CACNB2: variants seen among roughly 807,000 people sequenced by gnomAD.
CACNB2 encodes voltage-dependent L-type calcium channel subunit beta-2.
In CACNB2, 42 loss-of-function variants were observed where a neutral mutation model predicts 73.3. That is an observed-to-expected ratio of 0.57 (90% CI 0.45 to 0.74). CACNB2 has a LOEUF of 0.74. Among genes scored for constraint, CACNB2 ranks in the 30% least tolerant of loss-of-function variants. CACNB2 has a pLI of 0.00. For synonymous variants in CACNB2, 348 were observed against 310.3 expected, an observed-to-expected ratio of 1.12 and a Z score of -1.28; for missense variants, 940 against 853.0, an observed-to-expected ratio of 1.10 and a Z score of -1.27.
chr10:18,192,068 T>C (rs372866079), intron 2 of CACNB2, among the ~76,000 whole-genome samples: 24 of 151,614 alleles, frequency 1.6e-4, no homozygotes, highest in African/African-American at 5.8e-4. Context: ...GGCAGGAATC[T>C]AGGATGCTAG....
intron 2 of CACNB2, among the ~76,000 whole-genome samples, chr10:18,380,486 G>A (rs558435912): frequency 4.5e-4 from 57 of 126,168 alleles, no homozygotes; most frequent in African/African-American, 1.5e-3. Context: ...ATGGAGTCTC[G>A]CTCTGTTGCC....
intron 2 of CACNB2, among the ~76,000 whole-genome samples, chr10:18,353,746 C>G (rs2041807181): frequency 2.0e-5 from 3 of 152,164 alleles, no homozygotes; most frequent in Non-Finnish European, 4.4e-5. Context: ...CAGCTTAGTT[C>G]TGAAAAACTT....
rs371239500 is a variant in CACNB2, at chr10:18,229,513, A to G, written c.213+78538A>G. On this transcript the variant is annotated intron_variant, in intron 2 of 13. Transcript: ENST00000324631. The stretch of plus-strand genomic sequence containing the variant: ...AAAATGCACTTTTAAACTTTTTTCA[A>G]TTTTGCTTGGTAAGATATGAAAATC... 5.6e-4 allele frequency among the ~76,000 whole-genome samples: 86 copies of G among 152,292 alleles called. No individual in the cohort carries two copies. In the East Asian group the frequency reaches 9.2e-3, roughly 16 times the overall value.
chr10:18,140,633 C>G lies in CACNB2; in HGVS notation c.-104C>G. 1 of 1,016,864 alleles carries G rather than the reference C, an allele frequency of 9.8e-7. No homozygotes were observed. Among genetic ancestry groups the G allele is most frequent in the Non-Finnish European group, 1.5e-6 (1 of 684,210 alleles). 63.0% of individuals were successfully genotyped at this position (1,016,864 alleles called of 1,614,324 possible). A position where few individuals can be genotyped will look rare whatever the true frequency, so the allele number is the denominator to read the frequency against. Reference sequence around the variant, plus strand: ...CGCCGAGAACGGCCGGGCCTGAGCCCTGGGCGGCCCCCAGAGCCGATCAGA... The same window carrying G: ...CGCCGAGAACGGCCGGGCCTGAGCCGTGGGCGGCCCCCAGAGCCGATCAGA... On this transcript the variant is annotated 5_prime_UTR_variant, in exon 1 of 14. Coordinates refer to ENST00000324631, the MANE Select transcript of CACNB2 (RefSeq NM_201596.3).
At chr10:18,373,066 A>C (rs115911319) in intron 2 of CACNB2, among the ~76,000 whole-genome samples, 120 of 151,674 alleles carry the variant, frequency 7.9e-4, no homozygotes, top group African/African-American at 2.8e-3. Context: ...TTCTCCCACC[A>C]TGGCCTCCCA....
intron 2 of CACNB2, among the ~76,000 whole-genome samples, chr10:18,321,322 G>T (rs192938885): frequency 2.6e-5 from 4 of 152,202 alleles, no homozygotes; most frequent in Admixed American, 1.3e-4. Context: ...ATTGTCTTAG[G>T]TTATGTTTTG....
chr10:18,269,169 A>G (rs905421287), intron 2 of CACNB2, among the ~76,000 whole-genome samples: 33 of 152,206 alleles, frequency 2.2e-4, no homozygotes, highest in African/African-American at 7.5e-4. Context: ...TAAAGGTCAG[A>G]AGGAATATAT....
chr10:18,527,681 C>T lies in CACNB2; in HGVS notation c.1038C>T (p.Asn346=). ...AGCACGCAATAATAGAAAGATCCAA[C>T]ACAAGGTCAAGCTTAGGTAAGTCTG... The part of the protein sequence containing the change: ...PSKHAIIERS[N]TRSSLAEVQS... The change falls in exon 10 of 14, where the codon AAC becomes AAT. Residue 346 remains asparagine (N), a synonymous_variant. Coordinates refer to ENST00000324631, the MANE Select transcript of CACNB2 (RefSeq NM_201596.3). 1 of 1,611,732 alleles carries T rather than the reference C, an allele frequency of 6.2e-7. No individual in the cohort carries two copies. The highest frequency in any genetic ancestry group is 1.1e-5 in the South Asian group (1 of 91,050).
chr10:18,492,346 C>T (rs2049487610), intron 3 of CACNB2, among the ~76,000 whole-genome samples: 1 of 152,048 alleles, frequency 6.6e-6, no homozygotes, highest in African/African-American at 2.4e-5. Context: ...CCTGGCCGGG[C>T]GTGGTGGCTC....
intron 2 of CACNB2, among the ~76,000 whole-genome samples, chr10:18,287,488 A>C (rs1403576399): frequency 3.3e-5 from 5 of 152,196 alleles, no homozygotes; most frequent in Non-Finnish European, 7.3e-5. Flanking sequence ...CTGGTGTAAC[A>C]AAAGCACCAA....
chr10:18,477,344 G>A (rs1297640988), intron 3 of CACNB2, among the ~76,000 whole-genome samples: 2 of 152,292 alleles, frequency 1.3e-5, no homozygotes, highest in South Asian at 2.1e-4. Context: ...TGTATCTGGT[G>A]CTGAACTCCC....
At chr10:18,183,833 G>A (rs1452024839) in intron 2 of CACNB2, among the ~76,000 whole-genome samples, 3 of 152,152 alleles carry the variant, frequency 2.0e-5, no homozygotes, top group African/African-American at 7.2e-5. Flanking sequence ...TGGTGTAGTG[G>A]TGCATAGTAC....
chr10:18,246,062 C>A (rs1378930503), intron 2 of CACNB2, among the ~76,000 whole-genome samples: 1 of 152,012 alleles, frequency 6.6e-6, no homozygotes, highest in African/African-American at 2.4e-5. Flanking sequence ...GTGCAGTGAC[C>A]CTCTTGATCT....
chr10:18,297,077 A>C (rs916213368), intron 2 of CACNB2, among the ~76,000 whole-genome samples: 1 of 152,122 alleles, frequency 6.6e-6, no homozygotes, highest in African/African-American at 2.4e-5. Context: ...TTCTTTTCCA[A>C]TCCTACTGCT....
chr10:18,534,262 A>C (rs769169789), intron 11 of CACNB2, 35 bp downstream of exon 11: 1 of 1,557,012 alleles, frequency 6.4e-7, no homozygotes, highest in Non-Finnish European at 8.9e-7. Flanking sequence ...TCTATAATCA[A>C]ACTTTCCTAA....
chr10:18,258,196 T>C (rs1198488796), intron 2 of CACNB2, among the ~76,000 whole-genome samples: 1 of 152,240 alleles, frequency 6.6e-6, no homozygotes, highest in Non-Finnish European at 1.5e-5. Context: ...CTTTTGTGGA[T>C]TCTTGAATGA....
intron 3 of CACNB2, among the ~76,000 whole-genome samples, chr10:18,421,710 C>T (rs1401729019): frequency 6.6e-6 from 1 of 152,114 alleles, no homozygotes; most frequent in Admixed American, 6.6e-5. Context: ...TAGCTTATAT[C>T]TAAACAGCTT....
chr10:18,256,067 CAT>C (rs748605682), intron 2 of CACNB2, among the ~76,000 whole-genome samples: 7 of 152,206 alleles, frequency 4.6e-5, no homozygotes, highest in Non-Finnish European at 1.0e-4. Context: ...GATTTAAAAA[CAT>C]ATATCTTCCA....
chr10:18,327,613 C>T (rs367720740), intron 2 of CACNB2, among the ~76,000 whole-genome samples: 11 of 152,080 alleles, frequency 7.2e-5, no homozygotes, highest in East Asian at 1.9e-4. Flanking sequence ...TTAGTAGAGA[C>T]GGAGTTTCTC....
Sources: gnomAD v4.1 joint callset for allele counts (sites outside exome capture counted in the v4.1 genomes callset) on GRCh38, gnomAD v4.1.1 for gene constraint, MANE v1.5 for transcripts, NCBI Gene and HGNC (gene_info 2026-07-23, HGNC 2026-07-21) for gene names.